NBAS: variants seen among roughly 807,000 people sequenced by gnomAD.
The protein encoded by NBAS is NAG/BC035112 fusion.
A neutral mutation model predicts 302.5 loss-of-function variants in NBAS; 219 were observed. The ratio of observed to expected loss-of-function variants is 0.72; its 90% CI spans 0.65 to 0.81. The LOEUF (loss-of-function observed/expected upper bound fraction) is 0.81. Ranked by LOEUF, NBAS falls within the 30% of genes least tolerant of loss-of-function variation. NBAS has a pLI of 0.00. For missense variants in NBAS, 2,932 were observed against 2,841.6 expected (o/e 1.03, Z -0.72); for synonymous variants, 1,118 against 1,021.6 (o/e 1.09, Z -1.80).
the NBAS span, among the ~76,000 whole-genome samples, chr2:15,043,275 G>A: frequency 1.3e-5 from 2 of 152,118 alleles, no homozygotes; most frequent in African/African-American, 2.4e-5. Context: ...CTCCCTGTGC[G>A]TCTTGGACCC....
the NBAS span, among the ~76,000 whole-genome samples, chr2:14,861,574 G>A: frequency 6.6e-6 from 1 of 152,218 alleles, no homozygotes; most frequent in African/African-American, 2.4e-5. Flanking sequence ...GGGTTGCACT[G>A]AGCAGACATA....
intron 21 of NBAS, among the ~76,000 whole-genome samples, chr2:15,458,468 T>A (rs1679348309): frequency 6.6e-6 from 1 of 152,192 alleles, no homozygotes; most frequent in Non-Finnish European, 1.5e-5. Flanking sequence ...AAGTGAGTTC[T>A]CACTCAGTTA....
the NBAS span, among the ~76,000 whole-genome samples, chr2:14,779,982 A>T: frequency 6.6e-6 from 1 of 152,266 alleles, no homozygotes; most frequent in Non-Finnish European, 1.5e-5. Context: ...GGCTGTCACT[A>T]ATGACCAGCC....
the NBAS span, among the ~76,000 whole-genome samples, chr2:14,854,405 C>A: frequency 6.6e-6 from 1 of 151,956 alleles, no homozygotes; most frequent in South Asian, 2.1e-4. Context: ...CTCCCCATGT[C>A]CCCCAGCAAT....
chr2:14,827,824 A>G, the NBAS span, among the ~76,000 whole-genome samples: 7 of 152,170 alleles, frequency 4.6e-5, no homozygotes, highest in Admixed American at 1.3e-4. Flanking sequence ...TTCCTGTTCA[A>G]CAGGAATAGT....
chr2:15,358,691 T>G (rs1210704087), intron 32 of NBAS, among the ~76,000 whole-genome samples: 1 of 152,138 alleles, frequency 6.6e-6, no homozygotes, highest in Admixed American at 6.5e-5. Flanking sequence ...GCAATCCTCC[T>G]GCCTCAGCCT....
In NBAS at chr2:15,230,169, A is replaced by C. The variant is rs148910256; in HGVS notation, c.6236+2253T>G. 1.2e-3 allele frequency among the ~76,000 whole-genome samples: 188 copies of C among 152,214 alleles called. 2 individuals are homozygous for C. The highest frequency in any genetic ancestry group is 4.4e-3 in the African/African-American group (181 of 41,506). On this transcript the variant is annotated intron_variant, in intron 47 of 51. Transcript: ENST00000281513. The stretch of plus-strand genomic sequence containing the variant: ...TGTCATGTCATGCCAAGGAATGAAT[A>C]ACTTGACAGCATTACTTTCAAAATC...
At chr2:14,988,835 G>A in the NBAS span, among the ~76,000 whole-genome samples, 5 of 152,092 alleles carry the variant, frequency 3.3e-5, no homozygotes, top group Non-Finnish European at 7.4e-5. Flanking sequence ...TAGTACTTGT[G>A]AAATTTGCAA....
chr2:15,231,835 TA>T (rs1283370575), intron 47 of NBAS, among the ~76,000 whole-genome samples: 1 of 152,158 alleles, frequency 6.6e-6, no homozygotes, highest in Non-Finnish European at 1.5e-5. Context: ...ACATGGATAT[TA>T]GGCATTGTAA....
the NBAS span, among the ~76,000 whole-genome samples, chr2:14,790,185 A>T: frequency 6.6e-6 from 1 of 152,178 alleles, no homozygotes; most frequent in Non-Finnish European, 1.5e-5. Context: ...CTTAACAGCT[A>T]TTTCACACTA....
At chr2:15,135,230 G>C in the NBAS span, among the ~76,000 whole-genome samples, 1 of 152,200 alleles carries the variant, frequency 6.6e-6, no homozygotes, top group African/African-American at 2.4e-5. Flanking sequence ...GGTGGCCTGG[G>C]GGGAGGCTGG....
chr2:14,780,711 C>G, the NBAS span, among the ~76,000 whole-genome samples: 1 of 152,224 alleles, frequency 6.6e-6, no homozygotes, highest in African/African-American at 2.4e-5. Flanking sequence ...CCCACTTTCA[C>G]CCCAAATAAC....
chr2:15,027,791 T>C, the NBAS span, among the ~76,000 whole-genome samples: 1 of 152,214 alleles, frequency 6.6e-6, no homozygotes, highest in African/African-American at 2.4e-5. Flanking sequence ...TCATATTTAG[T>C]CTTTATCATA....
At chr2:15,157,229 C>G in the NBAS span, among the ~76,000 whole-genome samples, 11 of 152,164 alleles carry the variant, frequency 7.2e-5, no homozygotes, top group Non-Finnish European at 1.3e-4. Context: ...GCCATCAACC[C>G]AGGACTGAGT....
Position 15,186,778 on chromosome 2 carries a change from G to A in NBAS, c.6675C>T (p.Arg2225=). ...GCATCTGCTTGGTGTTATACAAAGA[G>A]CGACACATTTTCAAAACTTCATTCC... ...GLGNEVLKMC[R]SLYNTKQMLP... is the part of the protein sequence containing the mutation. Residue 2225 remains arginine, a synonymous_variant, in exon 50 of 52, where the codon CGC becomes CGT. Transcript: ENST00000281513. The A allele has an allele frequency of 6.2e-7, 1 of 1,613,734 alleles. No homozygotes were observed. Among genetic ancestry groups the A allele is most frequent in the Non-Finnish European group, 8.5e-7 (1 of 1,179,954 alleles).
At chr2:15,540,121 T>C (rs1333698832) in intron 6 of NBAS, among the ~76,000 whole-genome samples, 1 of 152,122 alleles carries the variant, frequency 6.6e-6, no homozygotes, top group African/African-American at 2.4e-5. Flanking sequence ...TTTGCTTCGG[T>C]TTCATCTTAT....
chr2:15,527,200 T>C (rs10432400), intron 9 of NBAS, among the ~76,000 whole-genome samples: 80,116 of 151,794 alleles, frequency 0.53, 23,813 homozygotes, highest in Non-Finnish European at 0.67. Flanking sequence ...TTTTCTTTTC[T>C]ACTCAAAAAA....
intron 23 of NBAS, among the ~76,000 whole-genome samples, chr2:15,420,703 G>A (rs1472592294): frequency 2.0e-5 from 3 of 152,116 alleles, no homozygotes; most frequent in Non-Finnish European, 4.4e-5. Flanking sequence ...CCTCTTCCTC[G>A]GGAAAAGCTG....
At chr2:15,466,112 T>C (rs1262085886) in intron 19 of NBAS, among the ~76,000 whole-genome samples, 1 of 152,218 alleles carries the variant, frequency 6.6e-6, no homozygotes, top group African/African-American at 2.4e-5. Flanking sequence ...CCAATGTTTT[T>C]TTAATAACCA....
Sources: allele counts gnomAD v4.1 joint callset (sites outside exome capture counted in the v4.1 genomes callset), GRCh38; gene constraint gnomAD v4.1.1; transcripts MANE v1.5; gene names NCBI Gene and HGNC (gene_info 2026-07-23, HGNC 2026-07-21).